Variants in SLC25A12 observed in about 807,000 individuals in gnomAD.
The protein encoded by SLC25A12 is electrogenic aspartate/glutamate antiporter SLC25A12, mitochondrial.
In SLC25A12, 32 loss-of-function variants were observed where a neutral mutation model predicts 83.3. The ratio of observed to expected loss-of-function variants is 0.38; its 90% CI spans 0.29 to 0.52. The LOEUF (loss-of-function observed/expected upper bound fraction) is 0.52. Among genes scored for constraint, SLC25A12 ranks in the 20% least tolerant of loss-of-function variants. The probability of loss-of-function intolerance (pLI) is 0.84; values close to 1 mark genes in which losing one functional copy is unlikely to be tolerated. For missense variants in SLC25A12, 611 were observed against 835.6 expected, an observed-to-expected ratio of 0.73 and a Z score of 3.31; for synonymous variants, 267 against 291.1, an observed-to-expected ratio of 0.92 and a Z score of 0.84.
At chr2:171,893,490 C>T (rs1414789950) in intron 1 of SLC25A12, among the ~76,000 whole-genome samples, 1 of 152,218 alleles carries the variant, frequency 6.6e-6, no homozygotes, top group East Asian at 1.9e-4. Flanking sequence ...TCGGACAGTG[C>T]TTCCTCTGGA....
intron 2 of SLC25A12, 47 bp downstream of exon 2, chr2:171,893,158 C>T (rs112457631): frequency 8.5e-5 from 126 of 1,488,842 alleles, no homozygotes; most frequent in South Asian, 1.7e-4. Flanking sequence ...AGGACATGTA[C>T]GTTTTTTGTT....
intron 6 of SLC25A12, 54 bp downstream of exon 6, chr2:171,837,067 A>G (rs1232095577): frequency 1.3e-6 from 2 of 1,588,304 alleles, no homozygotes; most frequent in Non-Finnish European, 1.7e-6. Context: ...CCAGGACTCA[A>G]TGGATCAAAA....
intron 3 of SLC25A12, among the ~76,000 whole-genome samples, chr2:171,868,383 G>A (rs1284654936): frequency 3.5e-5 from 5 of 143,916 alleles, no homozygotes; most frequent in African/African-American, 5.1e-5. Flanking sequence ...GCTCGATCTC[G>A]GCGCACCACA....
intron 2 of SLC25A12, among the ~76,000 whole-genome samples, chr2:171,888,084 T>C (rs1322628865): frequency 6.6e-6 from 1 of 151,822 alleles, no homozygotes; most frequent in Non-Finnish European, 1.5e-5. Flanking sequence ...CCACTTTCTT[T>C]TCTTTTTTCC....
At chr2:171,821,207 T>C (rs1019319580) in intron 9 of SLC25A12, among the ~76,000 whole-genome samples, 1 of 151,792 alleles carries the variant, frequency 6.6e-6, no homozygotes, top group Non-Finnish European at 1.5e-5. Context: ...ATTTTTTGTA[T>C]TTTTTGTAGA....
intron 3 of SLC25A12, among the ~76,000 whole-genome samples, chr2:171,861,016 C>G (rs1461069628): frequency 2.0e-5 from 3 of 151,986 alleles, no homozygotes; most frequent in Non-Finnish European, 4.4e-5. Flanking sequence ...CATTTGAGCT[C>G]AGGAAGTCGA....
rs1353350992 is a variant in SLC25A12, at chr2:171,784,194, TTC to T, written c.*1078_*1079del. ...ACTAAATCACCATATAGAGCTTTTCTTCTCTTTCTTCTTCCCTCCCTTCACTC... is the reference window on the plus strand; with the variant it reads ...ACTAAATCACCATATAGAGCTTTTCTTCTTTCTTCTTCCCTCCCTTCACTC... On this transcript the variant is annotated 3_prime_UTR_variant, in exon 18 of 18. Transcript: ENST00000422440. Among the ~76,000 whole-genome samples the T allele has an allele frequency of 2.6e-5, 4 of 152,328 alleles. No homozygotes were observed. Among genetic ancestry groups the T allele is most frequent in the Non-Finnish European group, 5.9e-5 (4 of 68,024 alleles).
Position 171,808,318 on chromosome 2 carries a change from A to G in SLC25A12, c.1305+1288T>C, listed in dbSNP as rs367812156. Among the ~76,000 whole-genome samples the G allele has an allele frequency of 8.2e-5, 7 of 84,992 alleles. 1 individual carries two copies. The highest frequency in any genetic ancestry group is 2.8e-4 in the African/African-American group (6 of 21,384). 55.8% of individuals were successfully genotyped at this position (84,992 alleles called of 152,430 possible). A position where few individuals can be genotyped will look rare whatever the true frequency, so the allele number is the denominator to read the frequency against. ...TTACCGTTATTATTGTTTGCCAATA[A>G]TCATGTCATGCTTACACTTTAAAGA... On this transcript the variant is annotated intron_variant, in intron 13 of 17. Coordinates refer to ENST00000422440, the MANE Select transcript of SLC25A12 (RefSeq NM_003705.5).
intron 13 of SLC25A12, among the ~76,000 whole-genome samples, chr2:171,806,280 AC>A (rs1246951494): frequency 6.6e-6 from 1 of 152,032 alleles, no homozygotes; most frequent in African/African-American, 2.4e-5. Context: ...ACATGGAGAA[AC>A]CCCAGCTCTA....
At position 171,893,267 on chromosome 2, in the gene SLC25A12, A is replaced by C; in HGVS notation, c.13-9T>G. 1.2e-6 allele frequency: 2 copies of C among 1,613,256 alleles called. No homozygotes were observed. Among genetic ancestry groups the C allele is most frequent in the Non-Finnish European group, 1.7e-6 (2 of 1,179,284 alleles). On this transcript the variant is annotated splice_polypyrimidine_tract_variant and intron_variant, in intron 1 of 17. Coordinates refer to ENST00000422440, the MANE Select transcript of SLC25A12 (RefSeq NM_003705.5). ...CGCTTAGTTGTCTGCACCTGTAAGC[A>C]AAAAAGAAAAAAAAGCCAGTTAATG...
At chr2:171,847,554 A>T (rs1205886933) in intron 4 of SLC25A12, among the ~76,000 whole-genome samples, 1 of 152,194 alleles carries the variant, frequency 6.6e-6, no homozygotes, top group East Asian at 1.9e-4. Flanking sequence ...CCCAGAGAGA[A>T]TCCCATCTTT....
chr2:171,834,973 A>G, intron 6 of SLC25A12, 108 bp from the exon 7 acceptor site: 1 of 1,183,500 alleles, frequency 8.4e-7, no homozygotes, highest in East Asian at 2.5e-5. Flanking sequence ...CACTGTTAAA[A>G]TGATGTTAAC....
intron 11 of SLC25A12, 47 bp from the exon 12 acceptor site, chr2:171,810,323 G>T (rs772569197): frequency 2.0e-5 from 29 of 1,420,468 alleles, no homozygotes; most frequent in Non-Finnish European, 2.9e-5. Context: ...TACCAGACAT[G>T]AATACACAAG....
intron 1 of SLC25A12, 88 bp downstream of exon 1, chr2:171,894,115 A>G (rs1686000662): frequency 3.3e-6 from 5 of 1,512,086 alleles, no homozygotes; most frequent in Admixed American, 1.9e-5. Flanking sequence ...CTAGACAATG[A>G]ATAAAATGGG....
intron 2 of SLC25A12, among the ~76,000 whole-genome samples, chr2:171,873,130 G>A (rs984032033): frequency 6.6e-6 from 1 of 152,150 alleles, no homozygotes; most frequent in Non-Finnish European, 1.5e-5. Flanking sequence ...TTCGAACAGG[G>A]AGACTGGTAA....
intron 3 of SLC25A12, among the ~76,000 whole-genome samples, chr2:171,858,727 T>C (rs1239205610): frequency 1.3e-5 from 2 of 152,206 alleles, no homozygotes; most frequent in South Asian, 4.1e-4. Flanking sequence ...AACACTAGGT[T>C]TCCGGTCCCA....
chr2:171,812,473 T>A (rs975958948), intron 11 of SLC25A12, among the ~76,000 whole-genome samples: 2 of 152,202 alleles, frequency 1.3e-5, no homozygotes, highest in African/African-American at 4.8e-5. Flanking sequence ...CTTGAGCATG[T>A]AGAGAGTATT....
chr2:171,888,334 A>G (rs1008667706), intron 2 of SLC25A12, among the ~76,000 whole-genome samples: 2 of 151,846 alleles, frequency 1.3e-5, no homozygotes, highest in Non-Finnish European at 2.9e-5. Flanking sequence ...CCTGGCCTCA[A>G]GTGATCCTCC....
Position 171,837,143 on chromosome 2 carries a change from A to G in SLC25A12, c.590T>C (p.Phe197Ser). 1 of 1,614,016 alleles carries G rather than the reference A, an allele frequency of 6.2e-7. No individual in the cohort carries two copies. Among genetic ancestry groups the G allele is most frequent in the Non-Finnish European group, 8.5e-7 (1 of 1,179,968 alleles). Residue 197 changes from phenylalanine (F) to serine (S), a missense_variant, in exon 6 of 18, where the codon TTT (phenylalanine) becomes TCT (serine). By Grantham distance (155) the Phe-to-Ser change is radical. Transcript: ENST00000422440. ...TACTGAAACTAAGTTCTCCTCCACAAAAGGAGTAAGCATGTGAGATCTAAT... is the reference window on the plus strand; with the variant it reads ...TACTGAAACTAAGTTCTCCTCCACAGAAGGAGTAAGCATGTGAGATCTAAT... ...VTIRSHMLTP[F>S]VEENLVSAAG...
Sources: allele counts gnomAD v4.1 joint callset (sites outside exome capture counted in the v4.1 genomes callset), GRCh38; gene constraint gnomAD v4.1.1; transcripts MANE v1.5; gene names NCBI Gene and HGNC (gene_info 2026-07-23, HGNC 2026-07-21).